Variants in PCDH15 observed in about 807,000 individuals in gnomAD.
PCDH15 encodes protocadherin-15.
PCDH15 carries 129 observed loss-of-function variants against 178.5 expected under a neutral mutation model. The ratio of observed to expected loss-of-function variants is 0.72; its 90% confidence interval spans 0.63 to 0.84. PCDH15 has a LOEUF of 0.84. Ranked by LOEUF, PCDH15 falls within the 40% of genes least tolerant of loss-of-function variation. The probability of loss-of-function intolerance (pLI) is 0.00; values close to 1 mark genes in which losing one functional copy is unlikely to be tolerated. For synonymous variants in PCDH15, 800 were observed against 732.0 expected (o/e 1.09, Z -1.50); for missense variants, 2,230 against 2,099.9 (o/e 1.06, Z -1.21).
At chr10:54,611,441 T>C (rs1420154342) in intron 2 of PCDH15, among the ~76,000 whole-genome samples, 2 of 151,846 alleles carry the variant, frequency 1.3e-5, no homozygotes, top group Admixed American at 1.3e-4. Context: ...AAAATAAATA[T>C]TCCCACTATA....
At chr10:55,371,484 G>C (rs376035480) in intron 2 of PCDH15, among the ~76,000 whole-genome samples, 23 of 152,238 alleles carry the variant, frequency 1.5e-4, no homozygotes, top group African/African-American at 4.8e-4. Flanking sequence ...ACTGTTGAAG[G>C]AGGGAACTGA....
At chr10:55,018,324 G>C (rs984469730) in intron 2 of PCDH15, among the ~76,000 whole-genome samples, 1 of 151,962 alleles carries the variant, frequency 6.6e-6, no homozygotes, top group African/African-American at 2.4e-5. Flanking sequence ...ATAGATGCTC[G>C]AGTCACGGAT....
chr10:55,056,682 G>T (rs1316115076), intron 2 of PCDH15, among the ~76,000 whole-genome samples: 1 of 150,500 alleles, frequency 6.6e-6, no homozygotes, highest in Non-Finnish European at 1.5e-5. Context: ...GCCCAGGCTG[G>T]AGTGTAATGG....
intron 2 of PCDH15, among the ~76,000 whole-genome samples, chr10:55,551,123 C>T (rs1440344368): frequency 6.6e-6 from 1 of 151,980 alleles, no homozygotes; most frequent in African/African-American, 2.4e-5. Flanking sequence ...ATTGTTAATA[C>T]ATAAGAGAAT....
intron 1 of PCDH15, among the ~76,000 whole-genome samples, chr10:55,197,042 G>A (rs1840112333): frequency 6.6e-6 from 1 of 151,796 alleles, no homozygotes; most frequent in African/African-American, 2.4e-5. Context: ...TACTTAAAAT[G>A]CTCACCACTT....
At chr10:54,446,165 G>T (rs1158783403) in intron 3 of PCDH15, among the ~76,000 whole-genome samples, 1 of 151,520 alleles carries the variant, frequency 6.6e-6, no homozygotes, top group Non-Finnish European at 1.5e-5. Context: ...CATTAGAGTT[G>T]CAATGATACT....
chr10:55,442,876 A>T (rs565734966), intron 2 of PCDH15, among the ~76,000 whole-genome samples: 2 of 152,162 alleles, frequency 1.3e-5, no homozygotes, highest in South Asian at 2.1e-4. Flanking sequence ...ATTGTGTATC[A>T]CGTTTTGTCC....
chr10:55,342,494 A>C (rs2131956532), intron 2 of PCDH15, among the ~76,000 whole-genome samples: 1 of 151,794 alleles, frequency 6.6e-6, no homozygotes, highest in African/African-American at 2.4e-5. Flanking sequence ...AATTTTTTAA[A>C]AGGTGGGGTC....
chr10:54,307,740 C>G (rs1279833781), intron 8 of PCDH15, among the ~76,000 whole-genome samples: 1 of 151,844 alleles, frequency 6.6e-6, no homozygotes, highest in African/African-American at 2.4e-5. Context: ...CTTTAAAAAT[C>G]CAAAATAATA....
At chr10:54,163,118 T>C (rs936874200) in intron 13 of PCDH15, among the ~76,000 whole-genome samples, 5 of 152,150 alleles carry the variant, frequency 3.3e-5, no homozygotes, top group Admixed American at 3.3e-4. Context: ...GAACTTCACC[T>C]AGAAGTAGAA....
rs1330989785 is a variant in PCDH15, at chr10:54,027,773, C to T, written c.2221-4576G>A. Among the ~76,000 whole-genome samples the T allele has an allele frequency of 4.2e-5, 6 of 143,556 alleles. No individual in the cohort carries two copies. In the East Asian group the frequency reaches 1.0e-3, roughly 24 times the overall value. 94.2% of individuals were successfully genotyped at this position (143,556 alleles called of 152,430 possible). The stretch of plus-strand genomic sequence containing the variant: ...CTGAAACTGGATCCCTTCCTTACAC[C>T]TTATACAAAAATCAATTCAAGATGG... On this transcript the variant is annotated intron_variant, in intron 18 of 37. Coordinates refer to ENST00000644397, the MANE Select transcript of PCDH15 (RefSeq NM_001384140.1).
At chr10:54,957,050 AT>A (rs1432863974) in intron 2 of PCDH15, among the ~76,000 whole-genome samples, 2 of 151,650 alleles carry the variant, frequency 1.3e-5, no homozygotes, top group African/African-American at 4.8e-5. Context: ...TAAGACTGCT[AT>A]TTGTGTTACA....
At chr10:55,360,883 A>T (rs181089103) in intron 2 of PCDH15, among the ~76,000 whole-genome samples, 11 of 152,168 alleles carry the variant, frequency 7.2e-5, no homozygotes, top group Non-Finnish European at 5.9e-5. Context: ...AAAGATAAGC[A>T]TGAGAATGTT....
At chr10:54,541,309 A>G (rs1018860517) in intron 2 of PCDH15, among the ~76,000 whole-genome samples, 6 of 152,198 alleles carry the variant, frequency 3.9e-5, no homozygotes, top group African/African-American at 1.4e-4. Flanking sequence ...GTTTGAGGAT[A>G]CAAATTCAAT....
At chr10:54,071,198 A>G (rs989928869) in intron 17 of PCDH15, among the ~76,000 whole-genome samples, 8 of 152,160 alleles carry the variant, frequency 5.3e-5, no homozygotes, top group African/African-American at 1.9e-4. Flanking sequence ...GTTTTGAGCA[A>G]TGGATAAATA....
At chr10:54,730,701 AC>A (rs1943216034) in intron 1 of PCDH15, among the ~76,000 whole-genome samples, 1 of 151,466 alleles carries the variant, frequency 6.6e-6, no homozygotes, top group African/African-American at 2.4e-5. Context: ...AAACTGGATA[AC>A]CATATGTAAA....
chr10:55,110,773 T>C (rs1464620821), intron 2 of PCDH15, among the ~76,000 whole-genome samples: 1 of 152,086 alleles, frequency 6.6e-6, no homozygotes, highest in African/African-American at 2.4e-5. Context: ...ATGTACTCCC[T>C]TATTGCCCCA....
intron 5 of PCDH15, among the ~76,000 whole-genome samples, chr10:54,365,064 T>G (rs1333236145): frequency 6.6e-6 from 1 of 152,052 alleles, no homozygotes; most frequent in African/African-American, 2.4e-5. Context: ...CAGAGAAAAT[T>G]CTTTCCTTTT....
At chr10:55,313,644 T>C (rs901335821) in intron 1 of PCDH15, among the ~76,000 whole-genome samples, 18 of 152,188 alleles carry the variant, frequency 1.2e-4, no homozygotes, top group Non-Finnish European at 1.3e-4. Context: ...AATAGTTCCG[T>C]CTTCACATAT....
Sources: allele counts gnomAD v4.1 joint callset (sites outside exome capture counted in the v4.1 genomes callset), GRCh38; gene constraint gnomAD v4.1.1; transcripts MANE v1.5; gene names NCBI Gene and HGNC (gene_info 2026-07-23, HGNC 2026-07-21).